EPB41L2: variants seen among roughly 807,000 people sequenced by gnomAD.
The protein encoded by EPB41L2 is band 4.1-like protein 2.
In EPB41L2, 43 loss-of-function variants were observed where a neutral mutation model predicts 113.0. The ratio of observed to expected loss-of-function variants is 0.38; its 90% CI spans 0.30 to 0.49. EPB41L2 has a LOEUF of 0.49. Among genes scored for constraint, EPB41L2 ranks in the 20% least tolerant of loss-of-function variants. The pLI, the probability that EPB41L2 is intolerant of heterozygous loss-of-function variation, is 0.95. For synonymous variants in EPB41L2, 442 were observed against 436.7 expected (o/e 1.01, Z -0.15); for missense variants, 1,147 against 1,223.4 (o/e 0.94, Z 0.93).
chr6:130,953,962 C>T (rs9492768), intron 3 of EPB41L2, among the ~76,000 whole-genome samples: 16,650 of 135,076 alleles, frequency 0.12, 1,169 homozygotes, highest in African/African-American at 0.19. Context: ...ACCCAGTTGA[C>T]GGTATTTTGT....
At chr6:130,954,040 CTTTTTTTTTTTTTTTT>C (rs780758511) in intron 3 of EPB41L2, among the ~76,000 whole-genome samples, 63 of 58,868 alleles carry the variant, frequency 1.1e-3, no homozygotes, top group South Asian at 2.8e-3. Flanking sequence ...CCTTTTCTTT[CTTTTTTTTTTTTTTTT>C]TTTTTTTTTT....
intron 1 of EPB41L2, among the ~76,000 whole-genome samples, chr6:130,982,318 A>G (rs1779552145): frequency 6.6e-6 from 1 of 152,146 alleles, no homozygotes; most frequent in Non-Finnish European, 1.5e-5. Context: ...GCTTCCAACA[A>G]CAACTACAAA....
chr6:130,943,893 G>A (rs1261867607), intron 3 of EPB41L2, among the ~76,000 whole-genome samples: 1 of 152,084 alleles, frequency 6.6e-6, no homozygotes, highest in Non-Finnish European at 1.5e-5. Context: ...AGAAGTGAAA[G>A]AACAGAGCTT....
chr6:131,023,754 T>TAG (rs1554340597), intron 1 of EPB41L2, among the ~76,000 whole-genome samples: 58 of 74,082 alleles, frequency 7.8e-4, no homozygotes, highest in Admixed American at 1.3e-3. Context: ...TATCTATATA[T>TAG]AGATATATAG....
intron 1 of EPB41L2, among the ~76,000 whole-genome samples, chr6:131,055,493 T>G (rs1360537680): frequency 6.6e-6 from 1 of 152,156 alleles, no homozygotes; most frequent in Non-Finnish European, 1.5e-5. Context: ...TAATCATACC[T>G]TTACACAAAA....
intron 5 of EPB41L2, 53 bp from the exon 6 acceptor site, chr6:130,904,593 T>A: frequency 8.0e-7 from 1 of 1,247,336 alleles, no homozygotes; most frequent in Non-Finnish European, 1.1e-6. Flanking sequence ...AGAATGACTA[T>A]TGTGATAAAA....
intron 3 of EPB41L2, among the ~76,000 whole-genome samples, chr6:130,931,235 T>A (rs1046523344): frequency 6.6e-6 from 1 of 152,172 alleles, no homozygotes; most frequent in Admixed American, 6.5e-5. Flanking sequence ...AATTTATTAA[T>A]CTACAATGAT....
intron 4 of EPB41L2, among the ~76,000 whole-genome samples, chr6:130,924,647 T>TG (rs1019106989): frequency 1.5e-4 from 23 of 152,200 alleles, no homozygotes; most frequent in Admixed American, 5.2e-4. Context: ...CCCAAAGTGC[T>TG]GGGATTACAG....
At position 130,895,036 on chromosome 6, in the gene EPB41L2, A is replaced by G. The variant is rs1414782441; in HGVS notation, c.1320T>C (p.Phe440=). 6.2e-7 allele frequency: 1 copy of G among 1,614,082 alleles called. No homozygotes were observed. Among genetic ancestry groups the G allele is most frequent in the South Asian group, 1.1e-5 (1 of 91,072 alleles). Residue 440 remains phenylalanine (F), a synonymous_variant, in exon 9 of 20, where the codon TTT becomes TTC. Transcript: ENST00000337057. ...AAATTTTTAAGATTTTCGGCCAAGC[A>G]AAACGATTGATTCGCAGTCTGTCTT... ...IYKDRLRINR[F]AWPKILKISY...
intron 1 of EPB41L2, among the ~76,000 whole-genome samples, chr6:131,046,770 G>A (rs1308670632): frequency 6.6e-6 from 1 of 152,052 alleles, no homozygotes; most frequent in African/African-American, 2.4e-5. Flanking sequence ...CCATTTTCCC[G>A]CTTCCCCTTT....
intron 1 of EPB41L2, among the ~76,000 whole-genome samples, chr6:130,986,746 C>T (rs1417978656): frequency 1.3e-5 from 2 of 151,960 alleles, no homozygotes; most frequent in African/African-American, 2.4e-5. Context: ...CCACCACACC[C>T]GGCTCATGTT....
intron 11 of EPB41L2, among the ~76,000 whole-genome samples, chr6:130,889,096 A>G (rs1189687352): frequency 2.0e-5 from 3 of 152,088 alleles, no homozygotes; most frequent in Admixed American, 2.0e-4. Context: ...TATTTCAGAA[A>G]AATACAATAG....
chr6:130,876,522 T>C (rs1787606040), intron 14 of EPB41L2, among the ~76,000 whole-genome samples: 1 of 152,222 alleles, frequency 6.6e-6, no homozygotes, highest in African/African-American at 2.4e-5. Context: ...TATGCTTCTA[T>C]ACACAGGGGA....
chr6:130,930,524 A>G (rs1237586959), intron 3 of EPB41L2, among the ~76,000 whole-genome samples: 2 of 152,230 alleles, frequency 1.3e-5, no homozygotes, highest in East Asian at 1.9e-4. Context: ...AGCATTTCAG[A>G]TAAAAGATAC....
At chr6:130,939,680 C>T (rs758041167) in intron 3 of EPB41L2, among the ~76,000 whole-genome samples, 11 of 152,214 alleles carry the variant, frequency 7.2e-5, no homozygotes, top group South Asian at 6.2e-4. Context: ...ACTAAAGCAA[C>T]AAAATGAAAA....
chr6:130,949,364 G>T (rs1485861274), intron 3 of EPB41L2, among the ~76,000 whole-genome samples: 1 of 152,190 alleles, frequency 6.6e-6, no homozygotes, highest in Non-Finnish European at 1.5e-5. Flanking sequence ...CACCTTGGGA[G>T]GCCAAGGAGG....
intron 1 of EPB41L2, among the ~76,000 whole-genome samples, chr6:131,020,905 T>C (rs1789305004): frequency 6.6e-6 from 1 of 152,192 alleles, no homozygotes; most frequent in African/African-American, 2.4e-5. Context: ...TCCTCCCGCC[T>C]CAGCCTCCCA....
intron 1 of EPB41L2, among the ~76,000 whole-genome samples, chr6:130,972,392 T>C (rs184271503): frequency 6.7e-6 from 1 of 149,992 alleles, no homozygotes; most frequent in South Asian, 2.1e-4. Flanking sequence ...ACCTATCATA[T>C]GACTCTAAAG....
intron 1 of EPB41L2, among the ~76,000 whole-genome samples, chr6:131,048,158 GAA>G (rs71030726): frequency 1.4e-5 from 1 of 69,910 alleles, no homozygotes; most frequent in Non-Finnish European, 3.4e-5. Flanking sequence ...AAAAAAAAAA[GAA>G]AAAAAGAAAA....
Sources: allele counts gnomAD v4.1 joint callset (sites outside exome capture counted in the v4.1 genomes callset), GRCh38; gene constraint gnomAD v4.1.1; transcripts MANE v1.5; gene names NCBI Gene and HGNC (gene_info 2026-07-23, HGNC 2026-07-21).